The following CUL2 variants were observed in gnomAD, a reference collection of about 807,000 sequenced individuals.
The protein encoded by CUL2 is cullin-2.
In CUL2, 22 loss-of-function variants were observed where a neutral mutation model predicts 110.2. The observed-to-expected ratio is 0.20, with a 90% CI of 0.14 to 0.28. CUL2 has a LOEUF of 0.28. CUL2 is among the 10% of genes least tolerant of loss of function. CUL2 has a pLI of 1.00. For synonymous variants in CUL2, 279 were observed against 293.2 expected, an observed-to-expected ratio of 0.95 and a Z score of 0.49; for missense variants, 631 against 905.5, an observed-to-expected ratio of 0.70 and a Z score of 3.89.
At position 35,090,273 on chromosome 10, in the gene CUL2, A is replaced by AGGCGGC. The variant is rs1003020566; in HGVS notation, c.-123_-118dup. On this transcript the variant is annotated 5_prime_UTR_variant, in exon 1 of 21. Coordinates refer to ENST00000374749, the MANE Select transcript of CUL2 (RefSeq NM_003591.4). ...AAGCCCCGGCGAGGAAGGTGGGCGG[A>AGGCGGC]GGCGGCGGCGGCGGCGGCTGTCAGC... is the stretch of plus-strand genomic sequence containing the variant. The AGGCGGC allele has an allele frequency of 7.0e-5, 11 of 157,216 alleles. No individual in the cohort carries two copies. The highest frequency in any genetic ancestry group is 1.9e-4 in the East Asian group (1 of 5,344). The allele number at this position is 157,216 out of a possible 1,614,324, so 9.7% of individuals were successfully genotyped here.
chr10:35,055,316 A>C (rs2086215451), intron 4 of CUL2, among the ~76,000 whole-genome samples: 1 of 152,262 alleles, frequency 6.6e-6, no homozygotes, highest in South Asian at 2.1e-4. Flanking sequence ...CATGAAATCT[A>C]TACATGAATA....
At chr10:35,074,345 A>G in intron 1 of CUL2, 1 of 714,978 alleles carries the variant, frequency 1.4e-6, no homozygotes. Context: ...TAATCTAGGA[A>G]CTTCTCTCTG....
chr10:35,038,901 C>T lies in CUL2; in HGVS notation c.877+19G>A, dbSNP rs775502573. On this transcript the variant is annotated intron_variant, in intron 9 of 20. Transcript: ENST00000374749. ...GTGGATTTATAATTTAATTTCTACT[C>T]ATGTTTGGTGTCACTTACCATTTTT... 6.5e-7 allele frequency: 1 copy of T among 1,537,672 alleles called. No individual in the cohort carries two copies. The highest frequency in any genetic ancestry group is 8.9e-7 in the Non-Finnish European group (1 of 1,129,934).
At position 35,124,939 on chromosome 10, in the gene CUL2, A is replaced by T. The variant is rs1405891288; in HGVS notation, c.-51+1666T>A. Among the ~76,000 whole-genome samples, 3 of 152,218 alleles carry T rather than the reference A, an allele frequency of 2.0e-5. No individual in the cohort carries two copies. In the East Asian group the frequency reaches 5.8e-4, roughly 29 times the overall value. ...TAGGTGACCTAGTTGTCCCTCCCCA[A>T]CAGAGAATTAACTATCACCTAGGTG... On this transcript the variant is annotated intron_variant, in intron 1 of 5. Coordinates refer to the CUL2 transcript ENST00000685421.
chr10:35,047,021 G>T (rs533537780), intron 6 of CUL2, among the ~76,000 whole-genome samples: 138 of 152,284 alleles, frequency 9.1e-4, no homozygotes, highest in African/African-American at 3.0e-3. Context: ...TAAACAGTAG[G>T]TGAGAAGAAG....
intron 1 of CUL2, among the ~76,000 whole-genome samples, chr10:35,073,146 T>G (rs2086725125): frequency 6.6e-6 from 1 of 152,174 alleles, no homozygotes; most frequent in African/African-American, 2.4e-5. Flanking sequence ...AAAGAGGGTA[T>G]GCCTTGTTGA....
chr10:35,094,350 C>T (rs2087263994), upstream of CUL2, among the ~76,000 whole-genome samples: 1 of 152,088 alleles, frequency 6.6e-6, no homozygotes, highest in African/African-American at 2.4e-5. Context: ...ATTCTCCTGC[C>T]TCAGCCTCCC....
At chr10:35,040,677 CT>C (rs2085761678) in intron 8 of CUL2, among the ~76,000 whole-genome samples, 1 of 152,152 alleles carries the variant, frequency 6.6e-6, no homozygotes, top group Non-Finnish European at 1.5e-5. Context: ...AGTCCCTAAC[CT>C]TTTAGGCACC....
At chr10:35,126,410 T>C (rs759393549) in intron 1 of CUL2, among the ~76,000 whole-genome samples, 3 of 152,158 alleles carry the variant, frequency 2.0e-5, no homozygotes, top group Non-Finnish European at 4.4e-5. Flanking sequence ...TCAAGGTATG[T>C]AGATAGCTTT....
chr10:35,012,854 T>C (rs2084939199), intron 19 of CUL2, among the ~76,000 whole-genome samples: 1 of 152,118 alleles, frequency 6.6e-6, no homozygotes, highest in African/African-American at 2.4e-5. Context: ...AGAAACAGTC[T>C]ATCCCAGACC....
At chr10:35,053,885 A>G (rs1280963700) in intron 5 of CUL2, among the ~76,000 whole-genome samples, 5 of 152,160 alleles carry the variant, frequency 3.3e-5, no homozygotes, top group South Asian at 2.1e-4. Flanking sequence ...TGTATCCCCA[A>G]TGCCTGGCTA....
chr10:35,113,293 C>T (rs570581335), intron 1 of CUL2, among the ~76,000 whole-genome samples: 17 of 149,646 alleles, frequency 1.1e-4, no homozygotes, highest in South Asian at 1.1e-3. Context: ...GTCAGGAGTT[C>T]GTGACCAGCC....
chr10:35,072,512 G>T (rs2134995689), intron 1 of CUL2, among the ~76,000 whole-genome samples: 1 of 152,206 alleles, frequency 6.6e-6, no homozygotes, highest in East Asian at 1.9e-4. Flanking sequence ...GGGACTACAG[G>T]CGCCCGCCAC....
chr10:35,024,181 G>A (rs1224599175), intron 17 of CUL2, among the ~76,000 whole-genome samples: 2 of 152,084 alleles, frequency 1.3e-5, no homozygotes, highest in Non-Finnish European at 2.9e-5. Flanking sequence ...AAGAGTATCA[G>A]TAAAAAATCT....
chr10:35,011,751 G>C (rs1006435306), intron 20 of CUL2, 97 bp downstream of exon 20: 2 of 643,954 alleles, frequency 3.1e-6, no homozygotes, highest in African/African-American at 1.8e-5. Context: ...CTGAGGATCA[G>C]GTTATTTCTG....
chr10:35,074,399 T>C, intron 1 of CUL2: 1 of 624,620 alleles, frequency 1.6e-6, no homozygotes, highest in Non-Finnish European at 2.9e-6. Flanking sequence ...TACACTTGCC[T>C]TTACCCTTAC....
In CUL2 at chr10:35,031,478, G is replaced by A; in HGVS notation, c.1299+13C>T. ...ACCAAAATACAAATGAAACTTTTCT[G>A]TTCACAACATACCTTTTGAAAGACG... is the stretch of plus-strand genomic sequence containing the variant. On this transcript the variant is annotated intron_variant, in intron 13 of 20. Coordinates refer to ENST00000374749, the MANE Select transcript of CUL2 (RefSeq NM_003591.4). This position sits in a 1 kb window ranked among gnomAD's most constrained non-coding sequence, Gnocchi z 4.4. The A allele has an allele frequency of 6.2e-7, 1 of 1,611,668 alleles. No individual in the cohort carries two copies. Among genetic ancestry groups the A allele is most frequent in the Non-Finnish European group, 8.5e-7 (1 of 1,178,498 alleles).
In CUL2 at chr10:35,060,864, G is replaced by C. The variant is rs779777982; in HGVS notation, c.317+10C>G. The C allele has an allele frequency of 1.2e-5, 19 of 1,598,754 alleles. No individual in the cohort carries two copies. In the African/African-American group the frequency reaches 2.4e-4, roughly 20 times the overall value. ...TGCTTAGCTTGTCTAGATTTTAAAG[G>C]CACACTCACCTATATAAGCAGTCCA... On this transcript the variant is annotated intron_variant, in intron 4 of 20. Transcript: ENST00000374749.
At chr10:35,065,790 C>T (rs558773479) in intron 2 of CUL2, among the ~76,000 whole-genome samples, 391 of 148,372 alleles carry the variant, frequency 2.6e-3, no homozygotes, top group Non-Finnish European at 3.4e-3. Flanking sequence ...ACTCAGGAGG[C>T]GGAGGTTGCA....
Sources: gnomAD v4.1 joint callset for allele counts (sites outside exome capture counted in the v4.1 genomes callset) on GRCh38, gnomAD v4.1.1 for gene constraint, Gnocchi (gnomAD v3.1) non-coding constraint, MANE v1.5 for transcripts, NCBI Gene and HGNC (gene_info 2026-07-23, HGNC 2026-07-21) for gene names.